The following ADAMTS14 variants were observed in gnomAD, a reference collection of about 807,000 sequenced individuals.
ADAMTS14 encodes the protein A disintegrin and metalloproteinase with thrombospondin motifs 14.
ADAMTS14 carries 100 observed loss-of-function variants against 128.6 expected under a neutral mutation model. The ratio of observed to expected loss-of-function variants is 0.78; its 90% confidence interval spans 0.66 to 0.92. ADAMTS14 has a LOEUF of 0.92. Among genes scored for constraint, ADAMTS14 ranks in the 40% least tolerant of loss-of-function variants. The pLI is 0.00. For missense variants in ADAMTS14, 1,562 were observed against 1,658.6 expected, an observed-to-expected ratio of 0.94 and a Z score of 1.01; for synonymous variants, 665 against 653.8, an observed-to-expected ratio of 1.02 and a Z score of -0.26.
chr10:70,710,964 A>T (rs1840835980), intron 4 of ADAMTS14, among the ~76,000 whole-genome samples: 1 of 152,214 alleles, frequency 6.6e-6, no homozygotes, highest in African/African-American at 2.4e-5. Context: ...TGCACCTTTG[A>T]CGAGGTGGTC....
At chr10:70,748,068 A>T (rs917344726) in intron 15 of ADAMTS14, among the ~76,000 whole-genome samples, 6 of 151,870 alleles carry the variant, frequency 4.0e-5, no homozygotes, top group African/African-American at 1.5e-4. Flanking sequence ...TGCTGTTAAT[A>T]TCTCCCATGC....
In ADAMTS14 at chr10:70,675,551, C is replaced by T. The variant is rs540748651; in HGVS notation, c.522+556C>T. Among the ~76,000 whole-genome samples, 7 of 152,254 alleles carry T rather than the reference C, an allele frequency of 4.6e-5. No homozygotes were observed. The South Asian group carries it at 1.0e-3, about 23-fold the overall frequency. ...ATTATGTCTTGTAACATTGCGACGT[C>T]GTGTCCTTCCTCTTCTCCTCCCTGT... On this transcript the variant is annotated intron_variant, in intron 2 of 21. Transcript: ENST00000373207.
intron 7 of ADAMTS14, among the ~76,000 whole-genome samples, chr10:70,732,933 C>T (rs1041884332): frequency 6.6e-6 from 1 of 152,182 alleles, no homozygotes; most frequent in Non-Finnish European, 1.5e-5. Flanking sequence ...CTACCATGCA[C>T]CGGGCCCCAT....
chr10:70,731,708 C>G (rs889805172), intron 6 of ADAMTS14, among the ~76,000 whole-genome samples: 8 of 152,224 alleles, frequency 5.3e-5, no homozygotes. Flanking sequence ...TCCCCTTCCT[C>G]CAGCTCCCCC....
At chr10:70,733,809 T>G in intron 7 of ADAMTS14, 76 bp from the exon 8 acceptor site, 1 of 1,543,916 alleles carries the variant, frequency 6.5e-7, no homozygotes, top group Non-Finnish European at 8.8e-7. Context: ...CTCCTGCTGC[T>G]GGCCTGCCTG....
intron 19 of ADAMTS14, among the ~76,000 whole-genome samples, chr10:70,756,184 A>C (rs376380883): frequency 6.6e-6 from 1 of 152,218 alleles, no homozygotes; most frequent in East Asian, 1.9e-4. Flanking sequence ...AGAGGGACAC[A>C]ACACAATCTG....
intron 2 of ADAMTS14, among the ~76,000 whole-genome samples, chr10:70,692,475 T>TAC (rs1554815553): frequency 2.6e-5 from 4 of 152,218 alleles, no homozygotes; most frequent in Non-Finnish European, 4.4e-5. Flanking sequence ...GCCTCTACAC[T>TAC]ACTTTGCAGG....
At position 70,733,473 on chromosome 10, in the gene ADAMTS14, G is replaced by A. The variant is rs149972142; in HGVS notation, c.1209-412G>A. Among the ~76,000 whole-genome samples the A allele has an allele frequency of 3.7e-3, 565 of 152,360 alleles. 7 individuals carry two copies. Among genetic ancestry groups the A allele is most frequent in the Admixed American group, 0.015 (229 of 15,308 alleles). ...TGAAACCTGGTCTTTGCACTCAAAG[G>A]CCCTCTGTGGGAAGCCAGCGAATGG... On this transcript the variant is annotated intron_variant, in intron 7 of 21. Coordinates refer to ENST00000373207, the MANE Select transcript of ADAMTS14 (RefSeq NM_080722.4).
chr10:70,735,017 A>C, intron 8 of ADAMTS14, 152 bp from the exon 9 acceptor site: 1 of 963,906 alleles, frequency 1.0e-6, no homozygotes, highest in Non-Finnish European at 1.5e-6. Flanking sequence ...TGCTCAAGGC[A>C]GCCCGTCCTC....
chr10:70,744,954 C>T (rs1046439393), intron 14 of ADAMTS14, among the ~76,000 whole-genome samples: 6 of 152,004 alleles, frequency 3.9e-5, no homozygotes, highest in East Asian at 3.9e-4. Context: ...AGAAGTGAGA[C>T]GGAGAGGAAG....
At chr10:70,722,396 G>C (rs555508969) in intron 4 of ADAMTS14, among the ~76,000 whole-genome samples, 23 of 152,188 alleles carry the variant, frequency 1.5e-4, no homozygotes, top group Non-Finnish European at 2.1e-4. Context: ...CAGGTTCAGA[G>C]GCAGTAAGTG....
intron 9 of ADAMTS14, 107 bp downstream of exon 9, chr10:70,735,408 G>T (rs1841795467): frequency 6.9e-7 from 1 of 1,448,306 alleles, no homozygotes; most frequent in Admixed American, 2.1e-5. Context: ...TGGCCAGTGG[G>T]CCTGGTGATG....
At chr10:70,749,634 T>C (rs867874630) in intron 15 of ADAMTS14, among the ~76,000 whole-genome samples, 188 bp from the exon 16 acceptor site, 1,666 of 126,560 alleles carry the variant, frequency 0.013, 21 homozygotes, top group East Asian at 0.049. Context: ...TGTGTGTGTG[T>C]GTGCGCGCAC....
At chr10:70,728,039 T>A (rs1443954592) in intron 4 of ADAMTS14, among the ~76,000 whole-genome samples, 1 of 148,464 alleles carries the variant, frequency 6.7e-6, no homozygotes, top group Non-Finnish European at 1.5e-5. Flanking sequence ...GAGTTTGCAG[T>A]GAGCCGAGAT....
chr10:70,697,251 C>A (rs1840356038), intron 2 of ADAMTS14, among the ~76,000 whole-genome samples: 1 of 152,254 alleles, frequency 6.6e-6, no homozygotes, highest in South Asian at 2.1e-4. Context: ...AAGCTACTAT[C>A]TTGAAATAGC....
At chr10:70,677,789 C>T (rs1031890811) in intron 2 of ADAMTS14, among the ~76,000 whole-genome samples, 1 of 152,208 alleles carries the variant, frequency 6.6e-6, no homozygotes, top group Non-Finnish European at 1.5e-5. Context: ...TTTCCGCCCA[C>T]TCCAGGAAAT....
chr10:70,753,993 G>A lies in ADAMTS14; in HGVS notation c.2923G>A (p.Gly975Arg). Reference sequence around the variant, plus strand: ...GCCCTGCCCAGCCCAGTGGAGGCTGGGAGCCTGGTCCCAGGTGACTTGTCC... The same window carrying A: ...GCCCTGCCCAGCCCAGTGGAGGCTGAGAGCCTGGTCCCAGGTGACTTGTCC... ...RVPCPAQWRL[G>R]AWSQCSATCG... Residue 975 changes from glycine (G) to arginine (R), a missense_variant, in exon 19 of 22, where the codon GGA becomes AGA. Physicochemically the swap from Gly to Arg is moderately radical, Grantham distance 125. Transcript: ENST00000373207. 1 of 1,567,618 alleles carries A rather than the reference G, an allele frequency of 6.4e-7. No homozygotes were observed. The highest frequency in any genetic ancestry group is 2.3e-5 in the East Asian group (1 of 42,604).
At chr10:70,732,189 C>A in intron 6 of ADAMTS14, 65 bp from the exon 7 acceptor site, 1 of 1,401,570 alleles carries the variant, frequency 7.1e-7, no homozygotes, top group Non-Finnish European at 1.0e-6. Flanking sequence ...GGGCACAGAC[C>A]TCAGTGTGTC....
chr10:70,701,565 T>C (rs1840493474), intron 2 of ADAMTS14, among the ~76,000 whole-genome samples: 1 of 152,226 alleles, frequency 6.6e-6, no homozygotes, highest in Non-Finnish European at 1.5e-5. Flanking sequence ...GTATGTTTCA[T>C]TGGCCCCTGT....
Sources: gnomAD v4.1 joint callset for allele counts (sites outside exome capture counted in the v4.1 genomes callset) on GRCh38, gnomAD v4.1.1 for gene constraint, MANE v1.5 for transcripts, NCBI Gene and HGNC (gene_info 2026-07-23, HGNC 2026-07-21) for gene names.